The following SDK1 variants were observed in gnomAD, a reference collection of about 807,000 sequenced individuals.
The protein encoded by SDK1 is sidekick cell adhesion molecule 1.
A neutral mutation model predicts 245.5 loss-of-function variants in SDK1; 157 were observed. That is an observed-to-expected ratio of 0.64 (90% CI 0.56 to 0.73). The LOEUF is 0.73. SDK1 is among the 30% of genes least tolerant of loss of function. The pLI, the probability that SDK1 is intolerant of heterozygous loss-of-function variation, is 0.00. For synonymous variants in SDK1, 1,647 were observed against 1,278.5 expected, an observed-to-expected ratio of 1.29 and a Z score of -6.15; for missense variants, 3,583 against 3,002.3, an observed-to-expected ratio of 1.19 and a Z score of -4.52.
At chr7:3,639,185 C>A (rs1782567824) in intron 3 of SDK1, 75 bp downstream of exon 3, 6 of 772,182 alleles carry the variant, frequency 7.8e-6, no homozygotes, top group Non-Finnish European at 1.3e-5. Flanking sequence ...AATCACTTTT[C>A]ACCATTGTAG....
At chr7:3,454,385 G>T (rs1269408045) in intron 1 of SDK1, among the ~76,000 whole-genome samples, 1 of 64,424 alleles carries the variant, frequency 1.6e-5, no homozygotes, top group Non-Finnish European at 3.5e-5. Context: ...TGTTCCCCAA[G>T]ATTTGTGTGT....
intron 4 of SDK1, among the ~76,000 whole-genome samples, chr7:3,759,905 T>A (rs1035154459): frequency 5.3e-5 from 8 of 152,198 alleles, no homozygotes; most frequent in Admixed American, 2.0e-4. Context: ...TTCCCCATTA[T>A]TTTAAGTTGT....
chr7:3,737,185 C>A (rs1779339094), intron 4 of SDK1, among the ~76,000 whole-genome samples: 1 of 152,146 alleles, frequency 6.6e-6, no homozygotes, highest in Admixed American at 6.5e-5. Context: ...GTGGGGGAAC[C>A]CTGACAGGAC....
chr7:3,702,916 A>G (rs1367972610), intron 4 of SDK1, among the ~76,000 whole-genome samples: 2 of 152,200 alleles, frequency 1.3e-5, no homozygotes, highest in African/African-American at 2.4e-5. Context: ...CAGCTAAAAT[A>G]AAAAGTAGTG....
intron 1 of SDK1, among the ~76,000 whole-genome samples, chr7:3,480,318 C>T (rs1171619367): frequency 6.6e-6 from 1 of 152,146 alleles, no homozygotes; most frequent in East Asian, 1.9e-4. Flanking sequence ...GGAAATGGAG[C>T]CGCGAGGCCA....
chr7:3,567,000 A>G (rs1779941213), intron 1 of SDK1, among the ~76,000 whole-genome samples: 1 of 152,172 alleles, frequency 6.6e-6, no homozygotes, highest in Non-Finnish European at 1.5e-5. Flanking sequence ...TGGAGAACAG[A>G]AGTTGCTGAA....
intron 17 of SDK1, among the ~76,000 whole-genome samples, chr7:4,018,634 C>G (rs1157330739): frequency 2.0e-5 from 3 of 152,200 alleles, no homozygotes; most frequent in Admixed American, 2.0e-4. Context: ...TCCCTTATTA[C>G]TATTAACTGT....
At chr7:3,408,650 T>G (rs1016649067) in intron 1 of SDK1, among the ~76,000 whole-genome samples, 1 of 152,230 alleles carries the variant, frequency 6.6e-6, no homozygotes, top group African/African-American at 2.4e-5. Flanking sequence ...GGCACCTGTT[T>G]GTATAAACGT....
chr7:4,167,624 C>T (rs919493335), intron 32 of SDK1, among the ~76,000 whole-genome samples: 8 of 152,194 alleles, frequency 5.3e-5, no homozygotes, highest in Non-Finnish European at 1.2e-4. Flanking sequence ...CCCACTCCAC[C>T]CCAGGGCTCT....
intron 4 of SDK1, among the ~76,000 whole-genome samples, chr7:3,792,892 G>A (rs1377022063): frequency 2.0e-5 from 3 of 152,164 alleles, no homozygotes; most frequent in African/African-American, 7.2e-5. Flanking sequence ...TCTAGCACTG[G>A]CGTTTTAACA....
intron 1 of SDK1, among the ~76,000 whole-genome samples, chr7:3,493,910 A>G (rs1781942243): frequency 1.3e-5 from 2 of 152,226 alleles, no homozygotes; most frequent in East Asian, 1.9e-4. Context: ...GGAAATATCA[A>G]TTCAAGCAGC....
At chr7:3,588,027 C>G (rs1411583006) in intron 1 of SDK1, among the ~76,000 whole-genome samples, 1 of 152,182 alleles carries the variant, frequency 6.6e-6, no homozygotes, top group Non-Finnish European at 1.5e-5. Context: ...TAAATTGAAT[C>G]TTATTTCAAA....
chr7:4,139,731 G>GTGTA (rs200360645), intron 28 of SDK1, among the ~76,000 whole-genome samples: 3,045 of 141,564 alleles, frequency 0.022, 149 homozygotes, highest in African/African-American at 0.028. Context: ...ATGTGTGTGT[G>GTGTA]TGTGTATGTG....
intron 1 of SDK1, among the ~76,000 whole-genome samples, chr7:3,382,763 A>G (rs1006967186): frequency 1.3e-5 from 2 of 152,206 alleles, no homozygotes; most frequent in Non-Finnish European, 1.5e-5. Context: ...TTACACATCT[A>G]GTGTCTCACA....
chr7:3,361,077 C>T (rs1031029026), intron 1 of SDK1, among the ~76,000 whole-genome samples: 7 of 152,040 alleles, frequency 4.6e-5, no homozygotes, highest in Non-Finnish European at 8.8e-5. Context: ...CTTTAAAAAC[C>T]GTATTGATCA....
intron 17 of SDK1, among the ~76,000 whole-genome samples, chr7:4,038,016 A>G (rs1203694325): frequency 1.3e-5 from 2 of 152,214 alleles, no homozygotes; most frequent in Non-Finnish European, 2.9e-5. Context: ...TCGGTTCTTC[A>G]GGGTGACACA....
chr7:3,935,892 A>G (rs902504609), intron 5 of SDK1, among the ~76,000 whole-genome samples: 4 of 152,236 alleles, frequency 2.6e-5, no homozygotes, highest in African/African-American at 4.8e-5. Flanking sequence ...ACTTCTGGAT[A>G]TATACCCAAA....
At chr7:4,021,384 T>G (rs1786883069) in intron 17 of SDK1, among the ~76,000 whole-genome samples, 1 of 152,132 alleles carries the variant, frequency 6.6e-6, no homozygotes, top group African/African-American at 2.4e-5. Context: ...CCTCAGAGTT[T>G]GTGGCTATCT....
intron 4 of SDK1, among the ~76,000 whole-genome samples, chr7:3,749,760 T>G (rs1305216052): frequency 6.6e-6 from 1 of 152,196 alleles, no homozygotes; most frequent in Non-Finnish European, 1.5e-5. Flanking sequence ...GGCATTCTAG[T>G]GTTCTGGTCT....
Sources: gnomAD v4.1 joint callset for allele counts (sites outside exome capture counted in the v4.1 genomes callset) on GRCh38, gnomAD v4.1.1 for gene constraint, MANE v1.5 for transcripts, NCBI Gene and HGNC (gene_info 2026-07-23, HGNC 2026-07-21) for gene names.